The following RALGAPA1 variants were observed in gnomAD, a reference collection of about 807,000 sequenced individuals.
RALGAPA1 encodes the protein ral GTPase-activating protein subunit alpha-1.
Under a neutral mutation model 269.6 loss-of-function variants are expected in RALGAPA1, and 52 were observed. That is an observed-to-expected ratio of 0.19 (90% confidence interval 0.15 to 0.24). The LOEUF is 0.24. Ranked by LOEUF, RALGAPA1 falls within the 10% of genes least tolerant of loss-of-function variation. The pLI, the probability that RALGAPA1 is intolerant of heterozygous loss-of-function variation, is 1.00. For missense variants in RALGAPA1, 1,917 were observed against 3,013.9 expected, an observed-to-expected ratio of 0.64 and a Z score of 8.52; for synonymous variants, 817 against 1,008.3, an observed-to-expected ratio of 0.81 and a Z score of 3.60.
At position 35,627,454 on chromosome 14, in the gene RALGAPA1, G is replaced by A; in HGVS notation, c.6493C>T (p.Leu2165Phe). ...EDITVKDGLS[L>F]QFKRFRETVP... ...GTTTCTCTAAATCTTTTAAACTGGAGAGAAAGTCCATCTTTTACGGTTATA... is the reference window on the plus strand; with the variant it reads ...GTTTCTCTAAATCTTTTAAACTGGAAAGAAAGTCCATCTTTTACGGTTATA... Residue 2165 changes from leucine (L) to phenylalanine (F), a missense_variant, in exon 34 of 42, where the codon CTC becomes TTC. Physicochemically the swap from Leu to Phe is conservative, Grantham distance 22 (BLOSUM62 0). This residue lies in a region of RALGAPA1 where 25 missense variants were observed against 19.2 expected (regional missense o/e 1.30). Transcript: ENST00000680220. 7.4e-6 allele frequency: 12 copies of A among 1,613,590 alleles called. No individual in the cohort carries two copies. Among genetic ancestry groups the A allele is most frequent in the Non-Finnish European group, 1.0e-5 (12 of 1,179,908 alleles).
chr14:35,685,910 A>G lies in RALGAPA1; in HGVS notation c.4077+632T>C, dbSNP rs550171949. The stretch of plus-strand genomic sequence containing the variant: ...CTGTCTCAAAAGAAACTAGTTCCAT[A>G]TATATTTATCCTTCCCTAACAATTA... On this transcript the variant is annotated intron_variant, in intron 19 of 41. Coordinates refer to ENST00000680220, the MANE Select transcript of RALGAPA1 (RefSeq NM_001346249.2). Among the ~76,000 whole-genome samples the G allele has an allele frequency of 2.0e-5, 3 of 152,236 alleles. No homozygotes were observed. In the South Asian group the frequency reaches 6.2e-4, roughly 32 times the overall value.
intron 28 of RALGAPA1, among the ~76,000 whole-genome samples, chr14:35,658,011 A>T (rs535359703): frequency 9.2e-5 from 14 of 152,190 alleles, no homozygotes; most frequent in Non-Finnish European, 1.8e-4. Context: ...GCTTGCCTAC[A>T]TCCCCCGTCC....
At chr14:35,679,568 T>TA (rs2065235344) in intron 21 of RALGAPA1, among the ~76,000 whole-genome samples, 1 of 152,236 alleles carries the variant, frequency 6.6e-6, no homozygotes, top group African/African-American at 2.4e-5. Flanking sequence ...TACTGACTAC[T>TA]GTACTGAAAG....
intron 39 of RALGAPA1, among the ~76,000 whole-genome samples, chr14:35,565,582 T>G (rs1370318176): frequency 1.3e-5 from 2 of 152,054 alleles, no homozygotes; most frequent in Non-Finnish European, 2.9e-5. Flanking sequence ...TCCCCGAGTC[T>G]CCTACAGATT....
At chr14:35,647,999 T>C (rs2062564172) in intron 31 of RALGAPA1, among the ~76,000 whole-genome samples, 1 of 147,694 alleles carries the variant, frequency 6.8e-6, no homozygotes, top group Middle Eastern at 3.6e-3. Context: ...TATTTGAGGC[T>C]GGGTGGGAAG....
intron 12 of RALGAPA1, among the ~76,000 whole-genome samples, chr14:35,736,013 A>G (rs1311456534): frequency 6.6e-6 from 1 of 152,162 alleles, no homozygotes; most frequent in Non-Finnish European, 1.5e-5. Context: ...TCTGACTTAC[A>G]TTTTACAGGA....
chr14:35,689,488 C>A lies in RALGAPA1; in HGVS notation c.2923G>T (p.Gly975Cys). Reference sequence around the variant, plus strand: ...AATTTATCTAAGGATAATCTTTCACCCCTATTTACTGCAATAGTCACTTCC... The same window carrying A: ...AATTTATCTAAGGATAATCTTTCACACCTATTTACTGCAATAGTCACTTCC... Reference protein sequence around the residue: ...SQEVTIAVNRGERLSLDKLEC... With the variant: ...SQEVTIAVNRCERLSLDKLEC... Residue 975 changes from glycine (G) to cysteine (C), a missense_variant, in exon 18 of 42, where the codon GGT becomes TGT. Transcript: ENST00000680220. 2 of 1,236,250 alleles carry A rather than the reference C, an allele frequency of 1.6e-6. No homozygotes were observed. The highest frequency in any genetic ancestry group is 2.0e-6 in the Non-Finnish European group (2 of 990,916). 76.6% of individuals were successfully genotyped at this position (1,236,250 alleles called of 1,614,324 possible).
chr14:35,808,692 C>A, intron 1 of RALGAPA1, 38 bp downstream of exon 1: 2 of 1,581,200 alleles, frequency 1.3e-6, no homozygotes, highest in South Asian at 1.1e-5. Flanking sequence ...GAAGGCCGGG[C>A]AACCCAGGCC....
chr14:35,651,021 G>A (rs1470973949), intron 31 of RALGAPA1, among the ~76,000 whole-genome samples: 1 of 151,912 alleles, frequency 6.6e-6, no homozygotes, highest in Admixed American at 6.6e-5. Flanking sequence ...CTACCATAGT[G>A]AGCAGCACCG....
intron 27 of RALGAPA1, 110 bp from the exon 28 acceptor site, chr14:35,659,306 T>G (rs562650726): frequency 1.2e-3 from 731 of 601,696 alleles, no homozygotes; most frequent in Admixed American, 2.6e-3. Context: ...TGTATGTACT[T>G]TCAATAAAGA....
intron 21 of RALGAPA1, among the ~76,000 whole-genome samples, chr14:35,681,703 A>G (rs1595119246): frequency 6.6e-6 from 1 of 152,186 alleles, no homozygotes; most frequent in East Asian, 1.9e-4. Context: ...TATTTGAAAA[A>G]TGGCAACTGC....
At chr14:35,636,596 T>C (rs545052297) in intron 31 of RALGAPA1, among the ~76,000 whole-genome samples, 3 of 152,280 alleles carry the variant, frequency 2.0e-5, no homozygotes, top group South Asian at 2.1e-4. Context: ...TCTCAGCTCA[T>C]TGCAACCTTC....
Position 35,742,533 on chromosome 14 carries a change from A to T in RALGAPA1, c.1284T>A (p.Ala428=), listed in dbSNP as rs1285365097. The T allele has an allele frequency of 1.9e-6, 3 of 1,608,424 alleles. No homozygotes were observed. The highest frequency in any genetic ancestry group is 2.6e-6 in the Non-Finnish European group (3 of 1,176,090). ...AFLLPICEAA[A]MRKVVKVYQE... ...GATATACTTTTACCACTTTTCTCAT[A>T]GCTGCTGCTTCACAAATTGGTAATA... Residue 428 remains alanine, a synonymous_variant, in exon 11 of 42, where the codon GCT becomes GCA. Coordinates refer to ENST00000680220, the MANE Select transcript of RALGAPA1 (RefSeq NM_001346249.2).
chr14:35,554,170 TTAGAG>T (rs1468199158), intron 39 of RALGAPA1, among the ~76,000 whole-genome samples: 1 of 152,072 alleles, frequency 6.6e-6, no homozygotes, highest in African/African-American at 2.4e-5. Flanking sequence ...GTTGAGCAGA[TTAGAG>T]TAAATTATTC....
chr14:35,766,264 T>C (rs1336732080), intron 4 of RALGAPA1: 2 of 814,594 alleles, frequency 2.5e-6, no homozygotes, highest in Admixed American at 1.7e-5. Context: ...GCAGCAATTG[T>C]CTTGGGTGTA....
chr14:35,765,813 A>G (rs1207259822), intron 4 of RALGAPA1: 2 of 561,028 alleles, frequency 3.6e-6, no homozygotes, highest in East Asian at 3.2e-5. Context: ...ACTGTCTTAC[A>G]TGTGCATCAA....
chr14:35,736,344 T>C (rs2070993902), intron 12 of RALGAPA1, among the ~76,000 whole-genome samples: 1 of 152,188 alleles, frequency 6.6e-6, no homozygotes, highest in South Asian at 2.1e-4. Context: ...ATTTGAATAT[T>C]TTAGTTAAGG....
chr14:35,682,447 C>T (rs1227554987), intron 21 of RALGAPA1, among the ~76,000 whole-genome samples: 1 of 152,000 alleles, frequency 6.6e-6, no homozygotes, highest in Non-Finnish European at 1.5e-5. Flanking sequence ...ACTATACGCG[C>T]CCGCCACCAC....
At chr14:35,754,469 C>A in intron 7 of RALGAPA1, among the ~76,000 whole-genome samples, 1 of 152,078 alleles carries the variant, frequency 6.6e-6, no homozygotes, top group Admixed American at 6.6e-5. Context: ...AAAAGATATT[C>A]AACATACCAT....
Sources: gnomAD v4.1 joint callset for allele counts (sites outside exome capture counted in the v4.1 genomes callset) on GRCh38, gnomAD v4.1.1 for gene constraint, gnomAD v4.1.1 regional missense constraint, MANE v1.5 for transcripts, NCBI Gene and HGNC (gene_info 2026-07-23, HGNC 2026-07-21) for gene names.